Variants in IFT27 observed in about 807,000 individuals in gnomAD.
The protein encoded by IFT27 is intraflagellar transport 27.
IFT27 carries 19 observed loss-of-function variants against 23.9 expected under a neutral mutation model. That is an observed-to-expected ratio of 0.79 (90% CI 0.55 to 1.16). The LOEUF (loss-of-function observed/expected upper bound fraction) is 1.16. Among genes scored for constraint, IFT27 ranks in the 50% most tolerant of loss-of-function variants. The pLI, the probability that IFT27 is intolerant of heterozygous loss-of-function variation, is 0.00. For synonymous variants in IFT27, 91 were observed against 89.1 expected (o/e 1.02, Z -0.12); for missense variants, 206 against 228.7 (o/e 0.90, Z 0.64).
chr22:36,763,149 C>G (rs1337722350), intron 5 of IFT27, 136 bp from the exon 6 acceptor site: 4 of 543,988 alleles, frequency 7.4e-6, no homozygotes, highest in African/African-American at 2.0e-5. Flanking sequence ...GTGAGCCCCC[C>G]CACAGGGAAA....
chr22:36,769,188 C>T (rs189896572), intron 1 of IFT27, among the ~76,000 whole-genome samples: 10 of 152,322 alleles, frequency 6.6e-5, no homozygotes, highest in Admixed American at 3.3e-4. Context: ...CTGAGCCCCC[C>T]TCATGGACCT....
At chr22:36,765,110 AC>A (rs1938211019) in intron 4 of IFT27, among the ~76,000 whole-genome samples, 1 of 152,010 alleles carries the variant, frequency 6.6e-6, no homozygotes. Context: ...AAACTGATGA[AC>A]CCTTCACTCC....
At chr22:36,768,325 G>A (rs931305701) in intron 1 of IFT27, 15 of 342,208 alleles carry the variant, frequency 4.4e-5, no homozygotes, top group African/African-American at 3.2e-4. Flanking sequence ...TTTTTTGTGT[G>A]GGGCGTGGGG....
intron 1 of IFT27, among the ~76,000 whole-genome samples, chr22:36,773,884 T>G (rs1447665818): frequency 6.6e-6 from 1 of 152,060 alleles, no homozygotes; most frequent in Non-Finnish European, 1.5e-5. Flanking sequence ...GCTATGAGGA[T>G]TCAATGAGAC....
chr22:36,762,777 A>C (rs1938125941), intron 6 of IFT27, 127 bp downstream of exon 6: 1 of 495,146 alleles, frequency 2.0e-6, no homozygotes, highest in Non-Finnish European at 3.5e-6. Flanking sequence ...AAGAATGTAA[A>C]CATCAGTTCC....
chr22:36,772,424 G>T, intron 1 of IFT27: 1 of 797,708 alleles, frequency 1.3e-6, no homozygotes. Flanking sequence ...AGGATTTAAT[G>T]AGTTAATATG....
At chr22:36,771,514 C>A (rs1483714908) in intron 1 of IFT27, among the ~76,000 whole-genome samples, 3 of 152,122 alleles carry the variant, frequency 2.0e-5, no homozygotes, top group African/African-American at 7.2e-5. Context: ...TGCTCTGTGG[C>A]ATGTGCTGGG....
chr22:36,768,900 C>T (rs879840381), intron 1 of IFT27, among the ~76,000 whole-genome samples: 9 of 152,172 alleles, frequency 5.9e-5, no homozygotes, highest in Non-Finnish European at 1.0e-4. Context: ...AAATCAGCAC[C>T]GCCCTCCGCG....
chr22:36,767,896 T>A, intron 1 of IFT27, 34 bp from the exon 2 acceptor site: 1 of 1,554,154 alleles, frequency 6.4e-7, no homozygotes, highest in Non-Finnish European at 8.9e-7. Context: ...AAGAACGCCT[T>A]AGTTCTCATC....
intron 1 of IFT27, among the ~76,000 whole-genome samples, chr22:36,773,077 C>T (rs182118521): frequency 6.6e-5 from 10 of 152,244 alleles, no homozygotes; most frequent in Admixed American, 2.0e-4. Context: ...ACAAAGAGGC[C>T]GGGCATAGTG....
intron 1 of IFT27, chr22:36,772,764 A>G (rs1938414261): frequency 2.0e-6 from 2 of 985,242 alleles, no homozygotes; most frequent in Non-Finnish European, 2.4e-6. Flanking sequence ...CAGGTCCTTC[A>G]ATGACCAGTT....
intron 1 of IFT27, among the ~76,000 whole-genome samples, chr22:36,773,584 G>T (rs1938434867): frequency 6.6e-6 from 1 of 151,618 alleles, no homozygotes; most frequent in South Asian, 2.1e-4. Context: ...AACCCAGGAG[G>T]TGGAGGTTGC....
At chr22:36,764,863 G>C (rs1029835307) in intron 4 of IFT27, among the ~76,000 whole-genome samples, 21 of 152,204 alleles carry the variant, frequency 1.4e-4, no homozygotes, top group Admixed American at 7.2e-4. Flanking sequence ...CCTGGTGCTC[G>C]TGACTCTTGG....
chr22:36,764,299 C>T (rs2145917090), intron 4 of IFT27, among the ~76,000 whole-genome samples: 1 of 152,388 alleles, frequency 6.6e-6, no homozygotes, highest in Non-Finnish European at 1.5e-5. Flanking sequence ...ACTTCCGTGC[C>T]TCACTGTGAA....
intron 4 of IFT27, 75 bp from the exon 5 acceptor site, chr22:36,764,111 T>G: frequency 2.9e-6 from 3 of 1,046,808 alleles, no homozygotes; most frequent in South Asian, 1.3e-5. Context: ...CAATTTGGCC[T>G]TCCAAGGGAA....
intron 1 of IFT27, among the ~76,000 whole-genome samples, chr22:36,771,381 A>G (rs985564008): frequency 7.9e-5 from 12 of 152,190 alleles, no homozygotes; most frequent in African/African-American, 1.9e-4. Context: ...CCCCTGACTT[A>G]TGTAGTCCTT....
At chr22:36,769,312 C>T (rs552821909) in intron 1 of IFT27, among the ~76,000 whole-genome samples, 40 of 152,302 alleles carry the variant, frequency 2.6e-4, no homozygotes, top group South Asian at 1.4e-3. Context: ...TCCAACCTCA[C>T]GCTCTTCCCA....
chr22:36,775,073 TTCTGGG>T (rs1386768315), intron 1 of IFT27, among the ~76,000 whole-genome samples: 2 of 152,262 alleles, frequency 1.3e-5, no homozygotes, highest in African/African-American at 4.8e-5. Flanking sequence ...CCAGGCATTG[TTCTGGG>T]TGCTTGGGAT....
At chr22:36,764,231 G>C (rs946156762) in intron 4 of IFT27, among the ~76,000 whole-genome samples, 195 bp from the exon 5 acceptor site, 3 of 152,284 alleles carry the variant, frequency 2.0e-5, no homozygotes, top group Non-Finnish European at 4.4e-5. Context: ...GCAGGAGGCA[G>C]GGCTGGGGCG....
Sources: gnomAD v4.1 joint callset for allele counts (sites outside exome capture counted in the v4.1 genomes callset) on GRCh38, gnomAD v4.1.1 for gene constraint, MANE v1.5 for transcripts, NCBI Gene and HGNC (gene_info 2026-07-23, HGNC 2026-07-21) for gene names.